Variants in ITPR1 observed in about 807,000 individuals in gnomAD.
The protein encoded by ITPR1 is inositol 1,4,5-trisphosphate-gated calcium channel ITPR1.
Under a neutral mutation model 318.4 loss-of-function variants are expected in ITPR1, and 96 were observed. The ratio of observed to expected loss-of-function variants is 0.30; its 90% confidence interval spans 0.26 to 0.36. The LOEUF is 0.36. Ranked by LOEUF, ITPR1 falls within the 10% of genes least tolerant of loss-of-function variation. ITPR1 has a pLI of 1.00. For missense variants in ITPR1, 2,440 were observed against 3,460.2 expected (o/e 0.71, Z 7.40); for synonymous variants, 1,312 against 1,289.9 (o/e 1.02, Z -0.37).
chr3:4,533,489 C>T (rs1271392565), intron 4 of ITPR1, among the ~76,000 whole-genome samples: 1 of 152,204 alleles, frequency 6.6e-6, no homozygotes, highest in Non-Finnish European at 1.5e-5. Context: ...TGATTTGGTG[C>T]ATGTGTAACA....
At chr3:4,534,086 T>G (rs541970921) in intron 4 of ITPR1, among the ~76,000 whole-genome samples, 1 of 152,330 alleles carries the variant, frequency 6.6e-6, no homozygotes, top group East Asian at 1.9e-4. Context: ...ACAGTTGCAT[T>G]TGCAGAAGGA....
rs139726392 is a variant in ITPR1, at chr3:4,683,846, C to T, written c.3498+48C>T. ...TGCCAAAGTGGATGGATGGGCTTCT[C>T]GAAACTAGGGAGCATCCTCTTCTGG... On this transcript the variant is annotated intron_variant, in intron 28 of 61. Coordinates refer to ENST00000649015, the MANE Select transcript of ITPR1 (RefSeq NM_001378452.1). 1.7e-5 allele frequency: 26 copies of T among 1,535,970 alleles called. 1 individual carries two copies. The highest frequency in any genetic ancestry group is 1.3e-4 in the Admixed American group (7 of 54,908).
intron 50 of ITPR1, 83 bp downstream of exon 50, chr3:4,782,824 T>C: frequency 7.7e-7 from 1 of 1,304,802 alleles, no homozygotes; most frequent in Non-Finnish European, 1.0e-6. Context: ...CCAGTCTTGC[T>C]TTTCCTTTAT....
At chr3:4,535,618 T>C (rs11922485) in intron 4 of ITPR1, among the ~76,000 whole-genome samples, 3,426 of 151,682 alleles carry the variant, frequency 0.023, 123 homozygotes, top group African/African-American at 0.079. Context: ...AATTTTTTTT[T>C]GTATATTTAG....
At chr3:4,664,302 G>A (rs1490951556) in intron 16 of ITPR1, among the ~76,000 whole-genome samples, 1 of 152,170 alleles carries the variant, frequency 6.6e-6, no homozygotes, top group Non-Finnish European at 1.5e-5. Flanking sequence ...AGACAAATTA[G>A]AGGCAGTAAA....
intron 39 of ITPR1, among the ~76,000 whole-genome samples, chr3:4,716,130 A>G (rs1174138379): frequency 6.6e-6 from 1 of 152,202 alleles, no homozygotes; most frequent in Non-Finnish European, 1.5e-5. Context: ...CTTTAAAATT[A>G]TATCAGGACT....
At chr3:4,508,712 T>C (rs2081577031) in intron 2 of ITPR1, among the ~76,000 whole-genome samples, 1 of 152,198 alleles carries the variant, frequency 6.6e-6, no homozygotes, top group Non-Finnish European at 1.5e-5. Flanking sequence ...GAAGAGGTTC[T>C]AAATACTGAA....
intron 46 of ITPR1, among the ~76,000 whole-genome samples, chr3:4,773,155 A>T (rs2046293340): frequency 6.6e-6 from 1 of 152,216 alleles, no homozygotes; most frequent in South Asian, 2.1e-4. Context: ...CGATGCTCCC[A>T]TCTCACTGGA....
chr3:4,599,652 A>C (rs748678763), intron 4 of ITPR1, among the ~76,000 whole-genome samples: 2 of 152,154 alleles, frequency 1.3e-5, no homozygotes, highest in African/African-American at 2.4e-5. Flanking sequence ...GAAGCAGTGA[A>C]CTCTAAACGT....
chr3:4,814,247 G>T, intron 57 of ITPR1, 176 bp from the exon 58 acceptor site: 3 of 677,072 alleles, frequency 4.4e-6, no homozygotes, highest in Non-Finnish European at 7.7e-6. Context: ...GATGAAAACA[G>T]TTGCCCCAGA....
intron 60 of ITPR1, among the ~76,000 whole-genome samples, chr3:4,825,435 C>CG (rs564343894): frequency 4.8e-4 from 73 of 152,226 alleles, no homozygotes; most frequent in African/African-American, 1.7e-3. Context: ...CTGAGAGCTG[C>CG]GGGTAATTTG....
Position 4,662,245 on chromosome 3 carries a change from G to A in ITPR1, c.1412+3G>A. On this transcript the variant is annotated splice_donor_region_variant and intron_variant, in intron 15 of 61. Transcript: ENST00000649015. ...ACCATCACCCAGAATGAAAGGAGGT[G>A]AGCACTCCCGCATGCTCAGCACAGC... 6.2e-7 allele frequency: 1 copy of A among 1,600,118 alleles called. No individual in the cohort carries two copies. Among genetic ancestry groups the A allele is most frequent in the Admixed American group, 1.7e-5 (1 of 58,916 alleles).
chr3:4,699,689 A>C, intron 34 of ITPR1, 124 bp from the exon 35 acceptor site: 1 of 802,400 alleles, frequency 1.2e-6, no homozygotes, highest in Non-Finnish European at 2.0e-6. Flanking sequence ...TTAAGGGGAG[A>C]AATATTGGCC....
chr3:4,566,852 A>G (rs1169203603), intron 4 of ITPR1, among the ~76,000 whole-genome samples: 2 of 152,004 alleles, frequency 1.3e-5, no homozygotes, highest in Non-Finnish European at 1.5e-5. Context: ...TTTCCTCCTC[A>G]GGAGAGTTGA....
chr3:4,507,090 AG>A (rs780359808), intron 2 of ITPR1, among the ~76,000 whole-genome samples: 2 of 152,028 alleles, frequency 1.3e-5, no homozygotes. Flanking sequence ...AATTTTGAGA[AG>A]AGTAGCAATT....
intron 6 of ITPR1, among the ~76,000 whole-genome samples, chr3:4,639,937 T>C (rs369178236): frequency 6.6e-6 from 1 of 152,366 alleles, no homozygotes; most frequent in African/African-American, 2.4e-5. Context: ...TTTATACTTA[T>C]CAAAAATATT....
chr3:4,706,513 G>A (rs1313973680), intron 37 of ITPR1, among the ~76,000 whole-genome samples, 162 bp downstream of exon 37: 1 of 152,236 alleles, frequency 6.6e-6, no homozygotes, highest in Admixed American at 6.5e-5. Context: ...CCAGGAGTGG[G>A]AAGTTACTTA....
intron 2 of ITPR1, among the ~76,000 whole-genome samples, chr3:4,496,676 C>G (rs140426655): frequency 1.3e-5 from 2 of 151,964 alleles, no homozygotes; most frequent in East Asian, 1.9e-4. Flanking sequence ...GTTGGTATTG[C>G]GGGGAGGGAG....
chr3:4,528,002 G>C (rs2083120110), intron 4 of ITPR1, among the ~76,000 whole-genome samples: 1 of 152,182 alleles, frequency 6.6e-6, no homozygotes, highest in Non-Finnish European at 1.5e-5. Flanking sequence ...TTTCATGCTT[G>C]AGTGATAAGA....
Sources: gnomAD v4.1 joint callset for allele counts (sites outside exome capture counted in the v4.1 genomes callset) on GRCh38, gnomAD v4.1.1 for gene constraint, MANE v1.5 for transcripts, NCBI Gene and HGNC (gene_info 2026-07-23, HGNC 2026-07-21) for gene names.